Variants in DPYD observed in about 807,000 individuals in gnomAD.
DPYD encodes dihydropyrimidine dehydrogenase [NADP(+)].
In DPYD, 109 loss-of-function variants were observed where a neutral mutation model predicts 116.2. The observed-to-expected ratio is 0.94, with a 90% CI of 0.80 to 1.10. The LOEUF (loss-of-function observed/expected upper bound fraction) is 1.10, where lower values mean the gene tolerates loss of function less well. Among genes scored for constraint, DPYD ranks in the 50% least tolerant of loss-of-function variants. The pLI is 0.00. For missense variants in DPYD, 1,302 were observed against 1,254.5 expected (o/e 1.04, Z -0.57); for synonymous variants, 440 against 432.0 (o/e 1.02, Z -0.23).
intron 2 of DPYD, among the ~76,000 whole-genome samples, chr1:97,861,417 G>T (rs925905700): frequency 2.3e-4 from 35 of 151,458 alleles, no homozygotes; most frequent in Non-Finnish European, 3.0e-5. Flanking sequence ...AAAATAAAAG[G>T]GTGATAAATT....
intron 19 of DPYD, among the ~76,000 whole-genome samples, chr1:97,217,389 T>G (rs1419812543): frequency 6.6e-6 from 1 of 152,310 alleles, no homozygotes; most frequent in African/African-American, 2.4e-5. Context: ...AATGGAGAGA[T>G]AGTCTGACAG....
chr1:97,231,893 A>C (rs1178194914), intron 19 of DPYD, among the ~76,000 whole-genome samples: 1 of 152,128 alleles, frequency 6.6e-6, no homozygotes, highest in Non-Finnish European at 1.5e-5. Context: ...ACCCACTCAT[A>C]ACTCCATTGT....
intron 3 of DPYD, among the ~76,000 whole-genome samples, chr1:97,803,406 A>G (rs1453779860): frequency 2.0e-5 from 3 of 151,980 alleles, no homozygotes; most frequent in Admixed American, 6.6e-5. Flanking sequence ...ATCATTTGTC[A>G]TGGGTAAAAA....
chr1:97,664,848 G>A (rs960399502), intron 8 of DPYD, among the ~76,000 whole-genome samples: 17 of 151,974 alleles, frequency 1.1e-4, no homozygotes, highest in African/African-American at 4.1e-4. Flanking sequence ...GTAAAAGGCT[G>A]GAAGCTAGAA....
chr1:97,614,062 A>G (rs1167895843), intron 8 of DPYD, among the ~76,000 whole-genome samples: 3 of 152,098 alleles, frequency 2.0e-5, no homozygotes, highest in Admixed American at 1.3e-4. Context: ...AGTTCCACAC[A>G]TGGTATTGGG....
intron 7 of DPYD, among the ~76,000 whole-genome samples, chr1:97,683,357 T>C (rs1027075099): frequency 1.4e-4 from 22 of 151,810 alleles, no homozygotes; most frequent in Non-Finnish European, 2.5e-4. Context: ...CAAATAACCA[T>C]AGTGAAAACA....
intron 19 of DPYD, among the ~76,000 whole-genome samples, chr1:97,221,985 T>C (rs1660810993): frequency 1.3e-5 from 2 of 152,172 alleles, no homozygotes; most frequent in South Asian, 2.1e-4. Flanking sequence ...AAAAATCAGT[T>C]ACCCATCCAA....
chr1:97,207,393 G>C (rs191839667), intron 19 of DPYD, among the ~76,000 whole-genome samples: 1 of 152,086 alleles, frequency 6.6e-6, no homozygotes, highest in Non-Finnish European at 1.5e-5. Context: ...GATGCAGGGA[G>C]TAACTCTACT....
intron 18 of DPYD, among the ~76,000 whole-genome samples, chr1:97,257,677 A>T (rs1487712373): frequency 6.6e-6 from 1 of 152,000 alleles, no homozygotes; most frequent in East Asian, 1.9e-4. Context: ...ATTTAAAATT[A>T]ATTTTTATAC....
intron 8 of DPYD, among the ~76,000 whole-genome samples, chr1:97,674,144 T>G (rs567731301): frequency 6.6e-6 from 1 of 152,152 alleles, no homozygotes. Flanking sequence ...AAGAGACTGG[T>G]TGAGGCCATA....
intron 18 of DPYD, among the ~76,000 whole-genome samples, chr1:97,246,975 G>C (rs1340577085): frequency 6.6e-6 from 1 of 152,046 alleles, no homozygotes; most frequent in Non-Finnish European, 1.5e-5. Context: ...ACATGTCCCT[G>C]TCTGCAGCCT....
chr1:97,765,424 T>A (rs1665794724), intron 3 of DPYD, among the ~76,000 whole-genome samples: 1 of 152,200 alleles, frequency 6.6e-6, no homozygotes, highest in Non-Finnish European at 1.5e-5. Flanking sequence ...TATTCAGGTA[T>A]AAGCTCACAG....
Position 97,623,231 on chromosome 1 carries a change from T to TC in DPYD, c.851-28066dup, listed in dbSNP as rs142805626. On this transcript the variant is annotated intron_variant, in intron 8 of 22. Transcript: ENST00000370192. Reference sequence around the variant, plus strand: ...AGAATTAGGTGCAAACTGAGGGGTGTCCCCCACAAAAAAGCAAGATGAAGA... The same window carrying TC: ...AGAATTAGGTGCAAACTGAGGGGTGTCCCCCCACAAAAAAGCAAGATGAAGA... 9.0e-3 allele frequency among the ~76,000 whole-genome samples: 1,360 copies of TC among 151,804 alleles called. 20 individuals carry two copies. Among genetic ancestry groups the TC allele is most frequent in the African/African-American group, 0.031 (1,303 of 41,402 alleles).
Position 97,721,493 on chromosome 1 carries a change from G to T in DPYD, c.483+17C>A, listed in dbSNP as rs755192548. 1.2e-6 allele frequency: 2 copies of T among 1,610,270 alleles called. No homozygotes were observed. The highest frequency in any genetic ancestry group is 2.7e-5 in the African/African-American group (2 of 74,666). On this transcript the variant is annotated intron_variant, in intron 5 of 22. Transcript: ENST00000370192. The stretch of plus-strand genomic sequence containing the variant: ...GGTGATGGTAGTGGGGGGATGTCAC[G>T]TGTATATCATACATACCTCAGTAGC...
intron 20 of DPYD, among the ~76,000 whole-genome samples, chr1:97,133,109 G>C (rs1217339038): frequency 3.3e-5 from 5 of 151,896 alleles, no homozygotes; most frequent in Non-Finnish European, 7.4e-5. Flanking sequence ...TTTGTAAACT[G>C]ACTATAGAGT....
At chr1:97,284,825 A>T (rs542889682) in intron 18 of DPYD, among the ~76,000 whole-genome samples, 1 of 152,152 alleles carries the variant, frequency 6.6e-6, no homozygotes, top group East Asian at 1.9e-4. Flanking sequence ...CATGATCTCA[A>T]TTCTGCTCTG....
intron 3 of DPYD, among the ~76,000 whole-genome samples, chr1:97,810,055 C>G (rs11165914): frequency 0.83 from 125,956 of 151,852 alleles, 52,416 homozygotes; most frequent in East Asian, 0.98. Context: ...GGGAGGCCGA[C>G]GCGGGTGGAT....
At chr1:97,461,477 C>T (rs1292471983) in intron 13 of DPYD, among the ~76,000 whole-genome samples, 1 of 152,008 alleles carries the variant, frequency 6.6e-6, no homozygotes, top group Non-Finnish European at 1.5e-5. Context: ...GTTTTGGCTA[C>T]CTTAGGGAAC....
At chr1:97,445,814 CT>C (rs1237407611) in intron 14 of DPYD, among the ~76,000 whole-genome samples, 2 of 151,648 alleles carry the variant, frequency 1.3e-5, no homozygotes, top group Non-Finnish European at 2.9e-5. Flanking sequence ...CAACCTCTGC[CT>C]CCTGGGTTCA....
Sources: allele counts gnomAD v4.1 joint callset (sites outside exome capture counted in the v4.1 genomes callset), GRCh38; gene constraint gnomAD v4.1.1; transcripts MANE v1.5; gene names NCBI Gene and HGNC (gene_info 2026-07-23, HGNC 2026-07-21).